Variants in LARGE1 observed in about 807,000 individuals in gnomAD.
The protein encoded by LARGE1 is xylosyl- and glucuronyltransferase LARGE1.
Under a neutral mutation model 87.6 loss-of-function variants are expected in LARGE1, and 43 were observed. The observed-to-expected ratio is 0.49, with a 90% CI of 0.38 to 0.63. The LOEUF is 0.63. Ranked by LOEUF, LARGE1 falls within the 30% of genes least tolerant of loss-of-function variation. The pLI is 0.00. For synonymous variants in LARGE1, 434 were observed against 394.6 expected (o/e 1.10, Z -1.18); for missense variants, 802 against 1,000.2 (o/e 0.80, Z 2.67).
chr22:33,410,601 G>A (rs1380243740), intron 7 of LARGE1, among the ~76,000 whole-genome samples: 1 of 151,866 alleles, frequency 6.6e-6, no homozygotes, highest in Non-Finnish European at 1.5e-5. Context: ...GTTTCCTGAC[G>A]CCTCCCCAGC....
chr22:33,729,358 C>A (rs1488500838), intron 2 of LARGE1, among the ~76,000 whole-genome samples: 2 of 152,218 alleles, frequency 1.3e-5, no homozygotes, highest in Non-Finnish European at 2.9e-5. Context: ...TTAGGTCTCT[C>A]TCCTTTGACA....
At chr22:33,827,786 C>G (rs1211454164) in intron 1 of LARGE1, among the ~76,000 whole-genome samples, 2 of 152,194 alleles carry the variant, frequency 1.3e-5, no homozygotes, top group East Asian at 3.9e-4. Context: ...AGGAACATCA[C>G]TGTCACCTGG....
At chr22:33,218,521 C>A (rs1237582661) in intron 11 of LARGE1, among the ~76,000 whole-genome samples, 1 of 152,160 alleles carries the variant, frequency 6.6e-6, no homozygotes, top group East Asian at 1.9e-4. Context: ...CCCCATAACA[C>A]TCTAGCTTCT....
At chr22:33,139,654 A>G in the LARGE1 span, among the ~76,000 whole-genome samples, 3 of 151,904 alleles carry the variant, frequency 2.0e-5, no homozygotes, top group African/African-American at 7.3e-5. Context: ...TATAATTTAT[A>G]TCTCTTTATG....
chr22:33,708,553 G>T (rs1332877733), intron 2 of LARGE1, among the ~76,000 whole-genome samples: 2 of 152,180 alleles, frequency 1.3e-5, no homozygotes, highest in East Asian at 1.9e-4. Flanking sequence ...TTCTCTTAGA[G>T]TTCTGGAGGT....
the LARGE1 span, among the ~76,000 whole-genome samples, chr22:33,154,268 T>G: frequency 2.0e-5 from 3 of 152,090 alleles, no homozygotes; most frequent in Non-Finnish European, 4.4e-5. Flanking sequence ...TGAGACAGAG[T>G]CTCACTCTGT....
intron 12 of LARGE1, among the ~76,000 whole-genome samples, chr22:33,284,671 G>A (rs1602236812): frequency 1.3e-5 from 2 of 151,906 alleles, no homozygotes; most frequent in Non-Finnish European, 2.9e-5. Flanking sequence ...TCAGCCTCCC[G>A]GGTTCAAGCG....
chr22:33,666,989 C>A (rs918645761), intron 2 of LARGE1, among the ~76,000 whole-genome samples: 1 of 152,212 alleles, frequency 6.6e-6, no homozygotes, highest in African/African-American at 2.4e-5. Flanking sequence ...CAGAAATAAA[C>A]CCCACATCCC....
At chr22:33,102,000 T>A in the LARGE1 span, among the ~76,000 whole-genome samples, 2 of 152,200 alleles carry the variant, frequency 1.3e-5, no homozygotes, top group African/African-American at 4.8e-5. Context: ...AATGTTTACC[T>A]GAAATGAAAT....
chr22:33,390,801 C>A (rs2065490391), intron 7 of LARGE1, among the ~76,000 whole-genome samples: 1 of 151,212 alleles, frequency 6.6e-6, no homozygotes, highest in Non-Finnish European at 1.5e-5. Flanking sequence ...TTAAGCCATT[C>A]TTGTGCCTCA....
At chr22:33,639,478 T>C (rs1214953866) in intron 3 of LARGE1, among the ~76,000 whole-genome samples, 7 of 152,224 alleles carry the variant, frequency 4.6e-5, no homozygotes, top group Admixed American at 4.6e-4. Flanking sequence ...ATAATGAGTA[T>C]ATGTGACACT....
At chr22:33,809,315 C>A (rs995174483) in intron 1 of LARGE1, among the ~76,000 whole-genome samples, 2 of 152,032 alleles carry the variant, frequency 1.3e-5, no homozygotes, top group African/African-American at 4.8e-5. Context: ...TCCCTAGCCT[C>A]CTGCACTTTT....
At chr22:33,240,216 A>G (rs1487905138) in intron 11 of LARGE1, among the ~76,000 whole-genome samples, 1 of 152,222 alleles carries the variant, frequency 6.6e-6, no homozygotes, top group Non-Finnish European at 1.5e-5. Flanking sequence ...ATATAATAGT[A>G]TCCCTTGTGG....
intron 1 of LARGE1, among the ~76,000 whole-genome samples, chr22:33,798,849 C>T (rs941331311): frequency 1.3e-5 from 2 of 152,160 alleles, no homozygotes; most frequent in East Asian, 3.9e-4. Context: ...GAGGGCTTTC[C>T]GTGCTGCTCT....
intron 2 of LARGE1, among the ~76,000 whole-genome samples, chr22:33,655,250 T>C (rs947436344): frequency 1.3e-5 from 2 of 152,150 alleles, no homozygotes; most frequent in African/African-American, 4.8e-5. Context: ...CTGGTGTGGG[T>C]TGGCTACCTC....
intron 10 of LARGE1, among the ~76,000 whole-genome samples, chr22:33,334,008 G>A (rs1248951932): frequency 6.6e-6 from 1 of 152,112 alleles, no homozygotes; most frequent in Non-Finnish European, 1.5e-5. Context: ...TCTGATTCCA[G>A]CTACTTGGGA....
the LARGE1 span, among the ~76,000 whole-genome samples, chr22:33,117,430 ATTAACT>A: frequency 3.1e-5 from 3 of 97,648 alleles, no homozygotes; most frequent in Non-Finnish European, 6.0e-5. Flanking sequence ...CTCTCACATT[ATTAACT>A]TTTTTTTTTT....
At chr22:33,324,268 AC>A (rs1569056176) in intron 10 of LARGE1, among the ~76,000 whole-genome samples, 2 of 132,450 alleles carry the variant, frequency 1.5e-5, no homozygotes, top group African/African-American at 6.7e-5. Flanking sequence ...AGCCAAAAAA[AC>A]AAAAACAAAA....
At chr22:33,258,801 G>A (rs1927456414) in intron 11 of LARGE1, among the ~76,000 whole-genome samples, 1 of 151,964 alleles carries the variant, frequency 6.6e-6, no homozygotes, top group African/African-American at 2.4e-5. Flanking sequence ...TCTGGATCGG[G>A]ACCCCTTTCC....
Sources: gnomAD v4.1 joint callset for allele counts (sites outside exome capture counted in the v4.1 genomes callset) on GRCh38, gnomAD v4.1.1 for gene constraint, MANE v1.5 for transcripts, NCBI Gene and HGNC (gene_info 2026-07-23, HGNC 2026-07-21) for gene names.